The following QTMAN variants were observed in gnomAD, a reference collection of about 807,000 sequenced individuals.
QTMAN encodes tRNA-queuosine alpha-mannosyltransferase.
chr2:144,317,286 G>A, the QTMAN span, among the ~76,000 whole-genome samples: 17 of 151,982 alleles, frequency 1.1e-4, no homozygotes, highest in African/African-American at 1.9e-4. Flanking sequence ...TGGAGGGAAA[G>A]GTGGTTAGAA....
the QTMAN span, among the ~76,000 whole-genome samples, chr2:144,232,966 G>T: frequency 2.6e-5 from 4 of 151,946 alleles, no homozygotes; most frequent in Non-Finnish European, 5.9e-5. Flanking sequence ...TTATTTCAAA[G>T]GAAAAATATT....
the QTMAN span, chr2:143,940,922 ATGGTCAT>A: frequency 1.3e-5 from 2 of 152,378 alleles, no homozygotes; most frequent in South Asian, 4.1e-4. Context: ...TCCTCTCCTT[ATGGTCAT>A]TGAGAATACA....
At chr2:144,314,675 C>G in the QTMAN span, among the ~76,000 whole-genome samples, 1 of 151,940 alleles carries the variant, frequency 6.6e-6, no homozygotes, top group Non-Finnish European at 1.5e-5. Flanking sequence ...ATAGTGCCAC[C>G]GCACTCCAGC....
the QTMAN span, among the ~76,000 whole-genome samples, chr2:144,009,648 A>G: frequency 6.6e-6 from 1 of 152,156 alleles, no homozygotes; most frequent in Admixed American, 6.6e-5. Flanking sequence ...GAATGGTACT[A>G]ACCCCTTAAA....
the QTMAN span, among the ~76,000 whole-genome samples, chr2:144,095,372 T>C: frequency 1.3e-5 from 2 of 152,184 alleles, no homozygotes; most frequent in African/African-American, 2.4e-5. Flanking sequence ...ATTCAACACA[T>C]ACTTATTTGC....
chr2:144,193,276 TAGG>T, the QTMAN span, among the ~76,000 whole-genome samples: 1 of 151,966 alleles, frequency 6.6e-6, no homozygotes, highest in Non-Finnish European at 1.5e-5. Context: ...TCTTATAAAA[TAGG>T]AGGCATTAGA....
chr2:144,281,947 G>C, the QTMAN span, among the ~76,000 whole-genome samples: 1 of 152,046 alleles, frequency 6.6e-6, no homozygotes, highest in African/African-American at 2.4e-5. Context: ...TTTTGTTATG[G>C]CAGCTGTAGA....
At chr2:144,275,756 G>GT in the QTMAN span, among the ~76,000 whole-genome samples, 7 of 150,692 alleles carry the variant, frequency 4.6e-5, no homozygotes, top group South Asian at 8.4e-4. Flanking sequence ...TCCAATTCAC[G>GT]TATCTACACT....
the QTMAN span, among the ~76,000 whole-genome samples, chr2:144,121,716 C>T: frequency 6.6e-6 from 1 of 152,190 alleles, no homozygotes; most frequent in Non-Finnish European, 1.5e-5. Context: ...TCTATAAAAT[C>T]CTGTAAGGAA....
chr2:143,959,986 G>T, the QTMAN span, among the ~76,000 whole-genome samples: 1 of 151,974 alleles, frequency 6.6e-6, no homozygotes, highest in Admixed American at 6.6e-5. Flanking sequence ...ATCAGAAAAA[G>T]AAAACATCAG....
At chr2:144,254,571 G>A in the QTMAN span, among the ~76,000 whole-genome samples, 1 of 152,328 alleles carries the variant, frequency 6.6e-6, no homozygotes, top group African/African-American at 2.4e-5. Context: ...TTTGGCAGTG[G>A]GGAAGAGAAA....
the QTMAN span, among the ~76,000 whole-genome samples, chr2:144,182,835 ATATAT>A: frequency 6.5e-4 from 45 of 69,190 alleles, 1 homozygote; most frequent in African/African-American, 2.7e-3. Flanking sequence ...TATAATATAT[ATATAT>A]TATATATATA....
the QTMAN span, among the ~76,000 whole-genome samples, chr2:144,222,573 G>A: frequency 3.3e-5 from 5 of 151,676 alleles, no homozygotes; most frequent in South Asian, 2.1e-4. Context: ...TTGAGAGGCC[G>A]AGGCGGGCGG....
the QTMAN span, among the ~76,000 whole-genome samples, chr2:144,053,334 T>C: frequency 2.0e-5 from 3 of 152,190 alleles, no homozygotes; most frequent in Non-Finnish European, 1.5e-5. Context: ...GCCAATCTTA[T>C]GTAAAAATAA....
the QTMAN span, among the ~76,000 whole-genome samples, chr2:144,066,480 T>C: frequency 1.3e-5 from 2 of 152,336 alleles, no homozygotes; most frequent in Non-Finnish European, 2.9e-5. Flanking sequence ...ATTCTTCAAA[T>C]GCAATTTGGG....
At chr2:144,208,712 C>T in the QTMAN span, 1 of 1,613,836 alleles carries the variant, frequency 6.2e-7, no homozygotes, top group Non-Finnish European at 8.5e-7. Flanking sequence ...TCTCCTAACT[C>T]TTCTTGAAGA....
the QTMAN span, among the ~76,000 whole-genome samples, chr2:144,167,881 T>C: frequency 6.6e-6 from 1 of 152,194 alleles, no homozygotes; most frequent in Non-Finnish European, 1.5e-5. Flanking sequence ...CATGCAAATT[T>C]TTACTATAGC....
chr2:144,077,170 G>C, the QTMAN span, among the ~76,000 whole-genome samples: 1 of 152,160 alleles, frequency 6.6e-6, no homozygotes, highest in Admixed American at 6.5e-5. Flanking sequence ...GTGCCATGTA[G>C]GGCAAGATGG....
the QTMAN span, among the ~76,000 whole-genome samples, chr2:144,302,871 C>T: frequency 1.3e-5 from 2 of 151,938 alleles, no homozygotes; most frequent in African/African-American, 4.8e-5. Flanking sequence ...GAGGCCGAGG[C>T]GGGGGGGATC....
Sources: gnomAD v4.1 joint callset for allele counts (sites outside exome capture counted in the v4.1 genomes callset) on GRCh38, gnomAD v4.1.1 for gene constraint, MANE v1.5 for transcripts, NCBI Gene and HGNC (gene_info 2026-07-23, HGNC 2026-07-21) for gene names.